Variants in MTF1 observed in about 807,000 individuals in gnomAD.
The protein encoded by MTF1 is metal regulatory transcription factor 1.
A neutral mutation model predicts 70.4 loss-of-function variants in MTF1; 22 were observed. The observed-to-expected ratio is 0.31, with a 90% CI of 0.22 to 0.45. The LOEUF is 0.45. MTF1 is among the 20% of genes least tolerant of loss of function. The probability of loss-of-function intolerance (pLI) is 1.00; values close to 1 mark genes in which losing one functional copy is unlikely to be tolerated. For missense variants in MTF1, 649 were observed against 922.0 expected (o/e 0.70, Z 3.83); for synonymous variants, 333 against 352.8 (o/e 0.94, Z 0.63).
At chr1:37,828,505 A>G (rs2148406639) in intron 7 of MTF1, among the ~76,000 whole-genome samples, 1 of 152,296 alleles carries the variant, frequency 6.6e-6, no homozygotes, top group South Asian at 2.1e-4. Context: ...GAGTTTAGCC[A>G]TGCTGGCCAG....
chr1:37,823,139 AG>A (rs1349109684), intron 8 of MTF1, among the ~76,000 whole-genome samples: 1 of 152,178 alleles, frequency 6.6e-6, no homozygotes, highest in Non-Finnish European at 1.5e-5. Context: ...TCACATCAGA[AG>A]AAAGAGCTCA....
intron 9 of MTF1, 130 bp from the exon 10 acceptor site, chr1:37,817,612 C>A: frequency 2.9e-6 from 2 of 701,666 alleles, no homozygotes; most frequent in African/African-American, 1.8e-5. Context: ...GATTTTTGTA[C>A]TGAGTGATGT....
intron 7 of MTF1, chr1:37,826,532 C>G (rs1007599260): frequency 6.6e-6 from 3 of 454,582 alleles, no homozygotes; most frequent in Non-Finnish European, 1.3e-5. Context: ...GCAGTCTTCC[C>G]AAAGCACTGG....
At chr1:37,854,715 T>C (rs1641464501) in intron 2 of MTF1, among the ~76,000 whole-genome samples, 1 of 152,214 alleles carries the variant, frequency 6.6e-6, no homozygotes, top group Admixed American at 6.5e-5. Flanking sequence ...CATACTGTAT[T>C]CAGTGCTAGT....
At chr1:37,846,668 G>C (rs909894326) in intron 2 of MTF1, among the ~76,000 whole-genome samples, 6 of 152,084 alleles carry the variant, frequency 3.9e-5, no homozygotes, top group Non-Finnish European at 7.4e-5. Flanking sequence ...AACAGAATCA[G>C]AGAAGAAAGG....
Position 37,822,560 on chromosome 1 carries a change from G to A in MTF1, c.1328C>T (p.Pro443Leu). Residue 443 changes from proline to leucine, a missense_variant, in exon 9 of 11, where the codon CCT (proline) becomes CTT (leucine). By Grantham distance (98) the Pro-to-Leu change is moderately conservative. Coordinates refer to ENST00000373036, the MANE Select transcript of MTF1 (RefSeq NM_005955.3). ...AGGTCCTAGGGAGGGAGCAGGCGGA[G>A]GAGCAGACGGAGCTGAGGCAGGTAG... ...PLLPASAPSA[P>L]PPAPSLGPGS... The A allele has an allele frequency of 6.2e-7, 1 of 1,614,126 alleles. No individual in the cohort carries two copies. Among genetic ancestry groups the A allele is most frequent in the Non-Finnish European group, 8.5e-7 (1 of 1,180,024 alleles).
Position 37,832,288 on chromosome 1 carries a change from C to T in MTF1, c.1025G>A (p.Ser342Asn), listed in dbSNP as rs1641098745. The T allele has an allele frequency of 1.2e-6, 2 of 1,613,476 alleles. No homozygotes were observed. The highest frequency in any genetic ancestry group is 2.2e-5 in the South Asian group (2 of 91,026). ...TNHSLCLSDL[S>N]LLSTDSELRE... ...CAATTCAGAATCTGTGGACAGAAGG[C>T]TCAAGTCACTTAGACAAAGTGAGTG... is the stretch of plus-strand genomic sequence containing the variant. Residue 342 changes from serine (S) to asparagine (N), a missense_variant, in exon 7 of 11, where the codon AGC becomes AAC. By Grantham distance (46) the Ser-to-Asn change is conservative. Transcript: ENST00000373036.
At chr1:37,824,514 A>G (rs1416683232) in intron 7 of MTF1, among the ~76,000 whole-genome samples, 1 of 152,178 alleles carries the variant, frequency 6.6e-6, no homozygotes, top group African/African-American at 2.4e-5. Flanking sequence ...CCTGGAAAAC[A>G]TGGTAAAACC....
chr1:37,815,357 C>T lies in MTF1; in HGVS notation c.2041G>A (p.Ala681Thr), dbSNP rs763913302. Residue 681 changes from alanine (A) to threonine (T), a missense_variant, in exon 11 of 11, where the codon GCC becomes ACC. Physicochemically the swap from Ala to Thr is moderately conservative, Grantham distance 58. This residue lies in a region of MTF1 where 138 missense variants were observed against 134.4 expected (regional missense o/e 1.03). Coordinates refer to ENST00000373036, the MANE Select transcript of MTF1 (RefSeq NM_005955.3). This position sits in a 1 kb window ranked among gnomAD's most constrained non-coding sequence, Gnocchi z 4.5. The part of the protein sequence containing the change: ...LQLPAQTFSS[A>T]PVPGSSSSTL... ...GAGGATGATGACCCGGGAACAGGGGCTGAAGAGAAAGTCTGCGCTGGGAGC... is the reference window on the plus strand; with the variant it reads ...GAGGATGATGACCCGGGAACAGGGGTTGAAGAGAAAGTCTGCGCTGGGAGC... The T allele has an allele frequency of 6.2e-7, 1 of 1,614,096 alleles. No individual in the cohort carries two copies. Among genetic ancestry groups the T allele is most frequent in the Non-Finnish European group, 8.5e-7 (1 of 1,180,036 alleles).
chr1:37,816,565 C>T (rs561272257), intron 10 of MTF1, among the ~76,000 whole-genome samples: 2 of 150,652 alleles, frequency 1.3e-5, no homozygotes, highest in East Asian at 3.9e-4. Flanking sequence ...ATCCCAGCTA[C>T]TTGGGAGACT....
Position 37,822,150 on chromosome 1 carries a change from T to C in MTF1, c.1738A>G (p.Thr580Ala), listed in dbSNP as rs1557587203. ...TGTTCTTGGTTTTGTGGAGAACTGG[T>C]GGCACCATTTAATATCCATTGTAAG... ...QNLQWILNGATSSPQNQEQIQ... is the reference protein window; with the variant it reads ...QNLQWILNGAASSPQNQEQIQ... The change falls in exon 9 of 11, where the codon ACC becomes GCC. Residue 580 changes from threonine to alanine, a missense_variant. By Grantham distance (58) the Thr-to-Ala change is moderately conservative (BLOSUM62 0). This residue lies in a region of MTF1 where 39 missense variants were observed against 97.8 expected (regional missense o/e 0.40). Transcript: ENST00000373036. 6.2e-7 allele frequency: 1 copy of C among 1,609,438 alleles called. No individual in the cohort carries two copies. Among genetic ancestry groups the C allele is most frequent in the East Asian group, 2.2e-5 (1 of 44,820 alleles).
Position 37,838,722 on chromosome 1 carries a change from T to C in MTF1, c.682A>G (p.Thr228Ala). ...KAHQRLHTGK[T>A]FNCESEGCSK... ...CAGCCTTCAGATTCACAGTTAAACG[T>C]TTTCCCTGTGTGAAGCCTCTGATGT... is the stretch of plus-strand genomic sequence containing the variant. Residue 228 changes from threonine to alanine, a missense_variant, in exon 4 of 11, where the codon ACG becomes GCG. Thr to Ala is a moderately conservative substitution (Grantham distance 58). This residue lies in a region of MTF1 where 118 missense variants were observed against 287.2 expected (regional missense o/e 0.41). Coordinates refer to ENST00000373036, the MANE Select transcript of MTF1 (RefSeq NM_005955.3). 6.2e-7 allele frequency: 1 copy of C among 1,609,852 alleles called. No homozygotes were observed. The highest frequency in any genetic ancestry group is 8.5e-7 in the Non-Finnish European group (1 of 1,177,274).
intron 7 of MTF1, among the ~76,000 whole-genome samples, chr1:37,828,950 G>T (rs968620237): frequency 1.3e-5 from 2 of 152,094 alleles, no homozygotes; most frequent in African/African-American, 2.4e-5. Flanking sequence ...CAGCCAAAAG[G>T]CTTCGAGAAG....
rs1640705702 is a variant in MTF1, at chr1:37,810,610, T to C, written c.*4526A>G. ...CAAAATGGCTAACCAATCAGAAATATGCTTCAGTTTTGTTGCCTCCACCCC... is the reference window on the plus strand; with the variant it reads ...CAAAATGGCTAACCAATCAGAAATACGCTTCAGTTTTGTTGCCTCCACCCC... On this transcript the variant is annotated 3_prime_UTR_variant, in exon 11 of 11. Transcript: ENST00000373036. 6.6e-6 allele frequency: 1 copy of C among 152,208 alleles called. No individual in the cohort carries two copies. Among genetic ancestry groups the C allele is most frequent in the African/African-American group, 2.4e-5 (1 of 41,452 alleles). The allele number at this position is 152,208 out of a possible 1,614,324, so 9.4% of individuals were successfully genotyped here.
At chr1:37,827,585 A>C (rs1358168795) in intron 7 of MTF1, among the ~76,000 whole-genome samples, 2 of 151,870 alleles carry the variant, frequency 1.3e-5, no homozygotes, top group Non-Finnish European at 1.5e-5. Context: ...AATGGTCTTG[A>C]TCTTCTGACT....
At chr1:37,832,962 C>A (rs1209563299) in intron 6 of MTF1, among the ~76,000 whole-genome samples, 1 of 151,324 alleles carries the variant, frequency 6.6e-6, no homozygotes, top group African/African-American at 2.4e-5. Context: ...GCCAAGATCA[C>A]GCCACTGCAC....
chr1:37,815,382 C>A lies in MTF1; in HGVS notation c.2016G>T (p.Gln672His), dbSNP rs1640799454. The A allele has an allele frequency of 6.2e-7, 1 of 1,613,990 alleles. No homozygotes were observed. The highest frequency in any genetic ancestry group is 1.1e-5 in the South Asian group (1 of 91,090). The change falls in exon 11 of 11, where the codon CAG becomes CAT. Residue 672 changes from glutamine to histidine, a missense_variant. By Grantham distance (24) the Gln-to-His change is conservative. This residue lies in a region of MTF1 where 138 missense variants were observed against 134.4 expected (regional missense o/e 1.03). Coordinates refer to ENST00000373036, the MANE Select transcript of MTF1 (RefSeq NM_005955.3). The surrounding 1 kb of genome is among the most constrained non-coding windows in gnomAD (Gnocchi z 4.5). ...SPQAPDGPSLQLPAQTFSSAP... is the reference protein window; with the variant it reads ...SPQAPDGPSLHLPAQTFSSAP... ...CTGAAGAGAAAGTCTGCGCTGGGAG[C>A]TGCAGGCTGGGCCCATCAGGAGCCT...
rs115307057 is a variant in MTF1 at position 37,819,176 on chromosome 1, T to C, written c.1768-1694A>G. On this transcript the variant is annotated intron_variant, in intron 9 of 10. Coordinates refer to ENST00000373036, the MANE Select transcript of MTF1 (RefSeq NM_005955.3). ...CCATAAATGTAAGAAATAAATGTAT[T>C]TTCTTTATCAATTACCCAGTTTGGG... is the stretch of plus-strand genomic sequence containing the variant. Among the ~76,000 whole-genome samples, 1,317 of 152,258 alleles carry C rather than the reference T, an allele frequency of 8.6e-3. 19 individuals are homozygous for C. The highest frequency in any genetic ancestry group is 0.03 in the African/African-American group (1,252 of 41,530).
chr1:37,823,611 G>T, intron 8 of MTF1, 99 bp downstream of exon 8: 1 of 859,322 alleles, frequency 1.2e-6, no homozygotes, highest in Non-Finnish European at 1.9e-6. Context: ...TTTATAGAAA[G>T]CTCACTTCAT....
Sources: gnomAD v4.1 joint callset for allele counts (sites outside exome capture counted in the v4.1 genomes callset) on GRCh38, gnomAD v4.1.1 for gene constraint, gnomAD v4.1.1 regional missense constraint, Gnocchi (gnomAD v3.1) non-coding constraint, MANE v1.5 for transcripts, NCBI Gene and HGNC (gene_info 2026-07-23, HGNC 2026-07-21) for gene names.